The following HACD2 variants were observed in gnomAD, a reference collection of about 807,000 sequenced individuals.
The protein encoded by HACD2 is very-long-chain (3R)-3-hydroxyacyl-CoA dehydratase 2.
Under a neutral mutation model 31.0 loss-of-function variants are expected in HACD2, and 15 were observed. The observed-to-expected ratio is 0.48, with a 90% CI of 0.32 to 0.75. The LOEUF is 0.75. Among genes scored for constraint, HACD2 ranks in the 30% least tolerant of loss-of-function variants. HACD2 has a pLI of 0.03. For missense variants in HACD2, 283 were observed against 313.0 expected (o/e 0.90, Z 0.72); for synonymous variants, 115 against 122.2 (o/e 0.94, Z 0.39).
intron 6 of HACD2, among the ~76,000 whole-genome samples, chr3:123,495,179 G>A (rs1196271039): frequency 6.6e-6 from 1 of 152,122 alleles, no homozygotes; most frequent in Admixed American, 6.5e-5. Context: ...GGGAAGAAGT[G>A]GTGTGGAATA....
intron 2 of HACD2, among the ~76,000 whole-genome samples, chr3:123,576,046 T>C (rs771486239): frequency 6.6e-6 from 1 of 152,168 alleles, no homozygotes; most frequent in African/African-American, 2.4e-5. Context: ...TGGTTCTATA[T>C]ATATTGTTTT....
At chr3:123,505,073 A>T (rs1189553549) in intron 4 of HACD2, among the ~76,000 whole-genome samples, 2 of 152,262 alleles carry the variant, frequency 1.3e-5, no homozygotes, top group Non-Finnish European at 2.9e-5. Flanking sequence ...GTGGAGTATT[A>T]TGCAGCCTTA....
At chr3:123,575,491 T>C (rs1438677757) in intron 2 of HACD2, among the ~76,000 whole-genome samples, 1 of 152,222 alleles carries the variant, frequency 6.6e-6, no homozygotes, top group Non-Finnish European at 1.5e-5. Flanking sequence ...GCTACTGTTT[T>C]GGACAGCGTT....
At chr3:123,580,286 G>A (rs1278321420) in intron 2 of HACD2, among the ~76,000 whole-genome samples, 2 of 152,180 alleles carry the variant, frequency 1.3e-5, no homozygotes, top group Non-Finnish European at 2.9e-5. Context: ...ATCCAGCCTG[G>A]GAAACACAGC....
intron 5 of HACD2, among the ~76,000 whole-genome samples, chr3:123,501,327 T>C (rs186375716): frequency 1.3e-5 from 2 of 152,332 alleles, no homozygotes; most frequent in Admixed American, 6.5e-5. Context: ...ATCTGCATAA[T>C]TGTTTTCTCT....
chr3:123,584,973 T>TCCCACC lies in HACD2; in HGVS notation c.54_55insGGTGGG (p.Gly17_Gly18dup). ...CCGCTGGCGTCCCCGGCCCCGGCCC[T>TCCCACC]GCCACCGCCGCCCCCATTCCCCTTC... On this transcript the variant is annotated inframe_insertion, in exon 1 of 7. Coordinates refer to ENST00000383657, the MANE Select transcript of HACD2 (RefSeq NM_198402.5). 1 of 1,483,962 alleles carries TCCCACC rather than the reference T, an allele frequency of 6.7e-7. No individual in the cohort carries two copies. Among genetic ancestry groups the TCCCACC allele is most frequent in the Non-Finnish European group, 9.0e-7 (1 of 1,106,884 alleles). The allele number at this position is 1,483,962 out of a possible 1,614,324, so 91.9% of individuals were successfully genotyped here. A position where few individuals can be genotyped will look rare whatever the true frequency, so the allele number is the denominator to read the frequency against.
intron 2 of HACD2, among the ~76,000 whole-genome samples, chr3:123,569,726 G>A (rs1016956331): frequency 6.6e-6 from 1 of 152,004 alleles, no homozygotes; most frequent in Non-Finnish European, 1.5e-5. Flanking sequence ...GGTGGCTCAC[G>A]CGTATAATCC....
intron 2 of HACD2, among the ~76,000 whole-genome samples, chr3:123,579,498 C>A (rs1233258960): frequency 1.3e-5 from 2 of 151,830 alleles, no homozygotes; most frequent in Non-Finnish European, 2.9e-5. Flanking sequence ...GAGATGAGGT[C>A]TTGCTATGTT....
At chr3:123,553,038 G>A (rs1178344684) in intron 3 of HACD2, among the ~76,000 whole-genome samples, 1 of 151,958 alleles carries the variant, frequency 6.6e-6, no homozygotes, top group African/African-American at 2.4e-5. Context: ...TGAAACAGAA[G>A]TAAAATTTAA....
intron 6 of HACD2, 74 bp downstream of exon 6, chr3:123,500,441 C>G: frequency 1.1e-6 from 1 of 915,486 alleles, no homozygotes; most frequent in Non-Finnish European, 1.7e-6. Context: ...AGTGCAAAGA[C>G]AGTCAAAGAT....
At chr3:123,553,494 C>G (rs1391521439) in intron 3 of HACD2, among the ~76,000 whole-genome samples, 1 of 152,250 alleles carries the variant, frequency 6.6e-6, no homozygotes, top group African/African-American at 2.4e-5. Context: ...AGGCATTCTG[C>G]CATGGGCCCT....
chr3:123,584,202 C>T (rs1276218974), intron 1 of HACD2, among the ~76,000 whole-genome samples: 1 of 152,138 alleles, frequency 6.6e-6, no homozygotes, highest in East Asian at 1.9e-4. Context: ...AAAAACCCGC[C>T]GGGATAAGGG....
At chr3:123,543,420 CA>C (rs149188638) in intron 3 of HACD2, among the ~76,000 whole-genome samples, 14,843 of 151,740 alleles carry the variant, frequency 0.098, 1,030 homozygotes, top group African/African-American at 0.2. Context: ...GGGAAAGAAT[CA>C]AAGTAAAAAA....
chr3:123,553,777 T>C (rs912336018), intron 3 of HACD2, among the ~76,000 whole-genome samples: 2 of 152,136 alleles, frequency 1.3e-5, no homozygotes, highest in East Asian at 3.9e-4. Context: ...GTTCTGGCTA[T>C]TGTTTTTCCC....
intron 2 of HACD2, among the ~76,000 whole-genome samples, chr3:123,569,033 G>T (rs1363011377): frequency 6.6e-6 from 1 of 152,118 alleles, no homozygotes; most frequent in Non-Finnish European, 1.5e-5. Flanking sequence ...TCTAAAACAT[G>T]CCTGAGCCTG....
Position 123,557,509 on chromosome 3 carries a change from C to G in HACD2, c.292+10253G>C, listed in dbSNP as rs540362553. Among the ~76,000 whole-genome samples the G allele has an allele frequency of 2.6e-5, 4 of 152,120 alleles. No homozygotes were observed. In the South Asian group the frequency reaches 8.3e-4, roughly 32 times the overall value. ...AAAAAATTAGCTGGGCATGGTGGCT[C>G]ACACCTGTAGTCCCAGCTACTTGGG... On this transcript the variant is annotated intron_variant, in intron 3 of 6. Coordinates refer to ENST00000383657, the MANE Select transcript of HACD2 (RefSeq NM_198402.5).
rs1168391807 is a variant in HACD2 at position 123,500,687 on chromosome 3, T to C, written c.510A>G (p.Thr170=). The change falls in exon 6 of 7, where the codon ACA becomes ACG. Residue 170 remains threonine, a synonymous_variant. Coordinates refer to ENST00000383657, the MANE Select transcript of HACD2 (RefSeq NM_198402.5). ...LPYLIKWARY[T]LFIVLYPMGV... ...CCATTGGGTACAGCACAATGAAAAG[T>C]GTGTACCTAAAACAAAACAAAATAT... 17 of 1,594,366 alleles carry C rather than the reference T, an allele frequency of 1.1e-5. No homozygotes were observed. The highest frequency in any genetic ancestry group is 1.4e-5 in the Non-Finnish European group (17 of 1,174,080).
chr3:123,528,633 T>G (rs1322903516), intron 3 of HACD2, among the ~76,000 whole-genome samples, 159 bp from the exon 4 acceptor site: 2 of 152,196 alleles, frequency 1.3e-5, no homozygotes. Context: ...TTCAATGTAG[T>G]CCACATTAAA....
chr3:123,540,829 T>C (rs373390333), intron 3 of HACD2, among the ~76,000 whole-genome samples: 1 of 152,220 alleles, frequency 6.6e-6, no homozygotes, highest in African/African-American at 2.4e-5. Context: ...AACTATTATA[T>C]ATATCATCAC....
Sources: allele counts gnomAD v4.1 joint callset (sites outside exome capture counted in the v4.1 genomes callset), GRCh38; gene constraint gnomAD v4.1.1; transcripts MANE v1.5; gene names NCBI Gene and HGNC (gene_info 2026-07-23, HGNC 2026-07-21).